The following SLC37A3 variants were observed in gnomAD, a reference collection of about 807,000 sequenced individuals.
The protein encoded by SLC37A3 is solute carrier family 37 member 3.
In SLC37A3, 51 loss-of-function variants were observed where a neutral mutation model predicts 67.1. The ratio of observed to expected loss-of-function variants is 0.76; its 90% CI spans 0.61 to 0.96. The LOEUF is 0.96. SLC37A3 is among the 40% of genes least tolerant of loss of function. The probability of loss-of-function intolerance (pLI) is 0.00; values close to 1 mark genes in which losing one functional copy is unlikely to be tolerated. For synonymous variants in SLC37A3, 214 were observed against 231.4 expected, an observed-to-expected ratio of 0.92 and a Z score of 0.68; for missense variants, 508 against 603.0, an observed-to-expected ratio of 0.84 and a Z score of 1.65.
intron 1 of SLC37A3, among the ~76,000 whole-genome samples, chr7:140,396,617 G>A (rs1798936877): frequency 6.6e-6 from 1 of 152,010 alleles, no homozygotes; most frequent in Admixed American, 6.6e-5. Flanking sequence ...CAAGTTAATG[G>A]TCACTGCAGT....
intron 1 of SLC37A3, among the ~76,000 whole-genome samples, chr7:140,388,551 G>A (rs1360147499): frequency 2.0e-5 from 3 of 151,858 alleles, no homozygotes; most frequent in African/African-American, 7.3e-5. Context: ...GGTGGCTCAC[G>A]TCTGGAATCC....
intron 3 of SLC37A3, among the ~76,000 whole-genome samples, chr7:140,373,536 T>C (rs1585335965): frequency 6.6e-6 from 1 of 152,292 alleles, no homozygotes; most frequent in Non-Finnish European, 1.5e-5. Flanking sequence ...AATTATCACT[T>C]ATCAAAATTT....
intron 7 of SLC37A3, among the ~76,000 whole-genome samples, chr7:140,353,164 CAT>C (rs1017751561): frequency 6.6e-6 from 1 of 151,920 alleles, no homozygotes; most frequent in African/African-American, 2.4e-5. Flanking sequence ...AATATATTCA[CAT>C]GATTCAAGCA....
chr7:140,397,137 T>A (rs534868881), intron 1 of SLC37A3, among the ~76,000 whole-genome samples: 1 of 129,402 alleles, frequency 7.7e-6, no homozygotes, highest in African/African-American at 2.9e-5. Flanking sequence ...GAGGCGGAGG[T>A]TGCAGTGAGC....
chr7:140,362,484 C>T (rs1297259681), intron 5 of SLC37A3, among the ~76,000 whole-genome samples: 8 of 147,584 alleles, frequency 5.4e-5, no homozygotes, highest in African/African-American at 1.5e-4. Flanking sequence ...CGCCTCTGCC[C>T]GGCCGCCCCT....
chr7:140,363,834 T>C (rs1585313012), intron 5 of SLC37A3, among the ~76,000 whole-genome samples: 1 of 137,316 alleles, frequency 7.3e-6, no homozygotes, highest in Non-Finnish European at 1.5e-5. Context: ...TGAAGCAGAG[T>C]GACAAATATG....
chr7:140,344,305 G>C (rs1328502436), intron 12 of SLC37A3, among the ~76,000 whole-genome samples: 2 of 151,074 alleles, frequency 1.3e-5, no homozygotes, highest in Non-Finnish European at 3.0e-5. Flanking sequence ...GCAGGCGCCT[G>C]TAATCCCAAC....
chr7:140,379,611 T>A (rs1245393497), intron 3 of SLC37A3: 1 of 152,086 alleles, frequency 6.6e-6, no homozygotes, highest in Non-Finnish European at 1.5e-5. Flanking sequence ...CGTGGCATTT[T>A]ACCCAGGCGT....
At chr7:140,379,556 T>C (rs927936329) in intron 3 of SLC37A3, 2 of 151,608 alleles carry the variant, frequency 1.3e-5, no homozygotes, top group Non-Finnish European at 2.9e-5. Context: ...TACAAGAGTT[T>C]AGTGAAGGGA....
intron 13 of SLC37A3, among the ~76,000 whole-genome samples, chr7:140,338,036 G>A (rs1371549140): frequency 2.0e-5 from 3 of 151,798 alleles, no homozygotes; most frequent in Non-Finnish European, 4.4e-5. Flanking sequence ...GACTACAGGC[G>A]CCTGCCACCT....
chr7:140,363,530 T>A (rs1797455275), intron 5 of SLC37A3, among the ~76,000 whole-genome samples: 1 of 124,012 alleles, frequency 8.1e-6, no homozygotes, highest in Admixed American at 8.3e-5. Context: ...CTCCCTAATC[T>A]TAAGTACCCA....
chr7:140,355,784 G>T lies in SLC37A3; in HGVS notation c.522-20C>A. 6.2e-7 allele frequency: 1 copy of T among 1,603,318 alleles called. No homozygotes were observed. Among genetic ancestry groups the T allele is most frequent in the Non-Finnish European group, 8.5e-7 (1 of 1,170,324 alleles). ...CCTCGTCTAAGATGGAAAACAGTGG[G>T]AGACAAAGGGCCATGGTCAGAAGAG... On this transcript the variant is annotated intron_variant, in intron 6 of 14. Transcript: ENST00000326232.
chr7:140,353,709 T>C (rs28642077), intron 7 of SLC37A3, among the ~76,000 whole-genome samples: 6,618 of 151,918 alleles, frequency 0.044, 471 homozygotes, highest in African/African-American at 0.15. Flanking sequence ...CTTAGCACAC[T>C]GTTTTGTTTT....
At chr7:140,337,828 T>A (rs1796201756) in intron 13 of SLC37A3, 1 of 152,362 alleles carries the variant, frequency 6.6e-6, no homozygotes, top group African/African-American at 2.4e-5. Flanking sequence ...TGCACTTATT[T>A]AACCCATTTT....
chr7:140,383,557 G>C (rs1208035832), intron 1 of SLC37A3, among the ~76,000 whole-genome samples: 1 of 152,044 alleles, frequency 6.6e-6, no homozygotes, highest in African/African-American at 2.4e-5. Context: ...CAAGACTCTG[G>C]GCAAGCTGCC....
At chr7:140,397,017 T>C (rs1289111688) in intron 1 of SLC37A3, among the ~76,000 whole-genome samples, 3 of 149,760 alleles carry the variant, frequency 2.0e-5, no homozygotes, top group East Asian at 4.0e-4. Context: ...ATGGCCAATA[T>C]GGTGAAACCC....
chr7:140,347,876 A>C (rs756036667), intron 10 of SLC37A3, among the ~76,000 whole-genome samples: 4 of 152,164 alleles, frequency 2.6e-5, no homozygotes, highest in Non-Finnish European at 4.4e-5. Flanking sequence ...CTACACACTA[A>C]GGTGTATTTC....
chr7:140,367,892 T>C (rs1195888582), intron 4 of SLC37A3, among the ~76,000 whole-genome samples: 2 of 150,218 alleles, frequency 1.3e-5, no homozygotes, highest in Non-Finnish European at 3.0e-5. Context: ...CAATCTCGGC[T>C]CACTGCAACC....
intron 13 of SLC37A3, 22 bp from the exon 14 acceptor site, chr7:140,337,371 T>A (rs1341583632): frequency 9.8e-6 from 15 of 1,537,802 alleles, no homozygotes; most frequent in Non-Finnish European, 1.2e-5. Flanking sequence ...GAAAAAAAAA[T>A]TACAATATAA....
Sources: allele counts gnomAD v4.1 joint callset (sites outside exome capture counted in the v4.1 genomes callset), GRCh38; gene constraint gnomAD v4.1.1; transcripts MANE v1.5; gene names NCBI Gene and HGNC (gene_info 2026-07-23, HGNC 2026-07-21).